Variants in RPL23 observed in about 807,000 individuals in gnomAD.
RPL23 encodes large ribosomal subunit protein uL14.
For synonymous variants in RPL23, 63 were observed against 65.3 expected (o/e 0.97, Z 0.17); for missense variants, 79 against 178.8 (o/e 0.44, Z 3.18).
rs185576254 is a variant in RPL23, at chr17:38,853,717, C to G, written c.-7G>C. The G allele has an allele frequency of 6.2e-7, 1 of 1,614,036 alleles. No homozygotes were observed. Among genetic ancestry groups the G allele is most frequent in the South Asian group, 1.1e-5 (1 of 91,076 alleles). ...CCTCACCTCGCTTCGACATCTTGAA[C>G]GCCGGAAAAAAGAAAAAAGGAAGTC... is the stretch of plus-strand genomic sequence containing the variant. On this transcript the variant is annotated 5_prime_UTR_variant, in exon 1 of 5. Transcript: ENST00000479035.
At position 38,848,177 on chromosome 17, in the gene RPL23, G is replaced by C; in HGVS notation, c.*1955C>G. 3 of 1,161,066 alleles carry C rather than the reference G, an allele frequency of 2.6e-6. No individual in the cohort carries two copies. The South Asian group carries it at 7.2e-5, about 28-fold the overall frequency. 71.9% of individuals were successfully genotyped at this position (1,161,066 alleles called of 1,614,324 possible). On this transcript the variant is annotated 3_prime_UTR_variant, in exon 5 of 5. Transcript: ENST00000479035. ...GGGCCTAGGGGCTTGTCACACTAAA[G>C]CTGACTTGAAATTGACCATACTCAG...
rs1275826469 is a variant in RPL23, at chr17:38,849,967, A to T, written c.*165T>A. On this transcript the variant is annotated 3_prime_UTR_variant, in exon 5 of 5. Coordinates refer to ENST00000479035, the MANE Select transcript of RPL23 (RefSeq NM_000978.4). The stretch of plus-strand genomic sequence containing the variant: ...ACCCTGTCTCCACCAAAAATACAAA[A>T]ACTAGCCAGGCATGACGGCAGGTGC... 2 of 544,760 alleles carry T rather than the reference A, an allele frequency of 3.7e-6. No individual in the cohort carries two copies. The allele number at this position is 544,760 out of a possible 1,614,324, so 33.7% of individuals were successfully genotyped here. A position where few individuals can be genotyped will look rare whatever the true frequency, so the allele number is the denominator to read the frequency against.
intron 3 of RPL23, chr17:38,851,491 A>C (rs1913001112): frequency 6.6e-6 from 1 of 152,052 alleles, no homozygotes; most frequent in Non-Finnish European, 1.5e-5. Flanking sequence ...GAAACTCACA[A>C]CTAGTTTTAA....
rs1176732694 is a variant in RPL23 at position 38,852,595 on chromosome 17, T to A, written c.226+9A>T. On this transcript the variant is annotated intron_variant, in intron 3 of 4. Transcript: ENST00000479035. ...CATCAGTATTAAGGTGGGCTCAGTG[T>A]TTACTCACCCTTTTTTCTGAGCTCT... 6 of 1,612,174 alleles carry A rather than the reference T, an allele frequency of 3.7e-6. No individual in the cohort carries two copies. In the South Asian group the frequency reaches 6.6e-5, roughly 18 times the overall value.
rs1444728692 is a variant in RPL23 at position 38,848,013 on chromosome 17, G to A, written c.*2119C>T. ...GTCCAGCAGTTCAAAGTTACAGTGAGCTTCAGTGGTGTTACTGCACTCCAG... is the reference window on the plus strand; with the variant it reads ...GTCCAGCAGTTCAAAGTTACAGTGAACTTCAGTGGTGTTACTGCACTCCAG... On this transcript the variant is annotated 3_prime_UTR_variant, in exon 5 of 5. Coordinates refer to ENST00000479035, the MANE Select transcript of RPL23 (RefSeq NM_000978.4). The A allele has an allele frequency of 6.5e-7, 1 of 1,550,220 alleles. No individual in the cohort carries two copies. The highest frequency in any genetic ancestry group is 8.7e-7 in the Non-Finnish European group (1 of 1,146,860).
intron 3 of RPL23, 179 bp downstream of exon 3, chr17:38,852,425 A>C: frequency 2.9e-6 from 2 of 689,738 alleles, no homozygotes; most frequent in Non-Finnish European, 4.9e-6. Flanking sequence ...TAAGGTATGG[A>C]AGTGACAAGA....
chr17:38,848,974 C>T lies in RPL23; in HGVS notation c.*1158G>A, dbSNP rs780333229. On this transcript the variant is annotated 3_prime_UTR_variant, in exon 5 of 5. Transcript: ENST00000479035. ...GGTGTCACCTAAATAAACTCTTACA[C>T]GTTTAGAAAGAAATGCTAACAACCT... 6.6e-5 allele frequency: 10 copies of T among 152,164 alleles called. No homozygotes were observed. Among genetic ancestry groups the T allele is most frequent in the Non-Finnish European group, 1.5e-4 (10 of 68,030 alleles). The allele number at this position is 152,164 out of a possible 1,614,324, so 9.4% of individuals were successfully genotyped here. A position where few individuals can be genotyped will look rare whatever the true frequency, so the allele number is the denominator to read the frequency against.
At chr17:38,852,870 ACAC>A (rs751988514) in intron 2 of RPL23, 138 bp from the exon 3 acceptor site, 2 of 1,399,960 alleles carry the variant, frequency 1.4e-6, no homozygotes, top group Non-Finnish European at 2.0e-6. Context: ...ACGCCTTGTC[ACAC>A]CACCGATTGA....
chr17:38,850,957 C>G (rs1434965884), intron 3 of RPL23: 2 of 153,018 alleles, frequency 1.3e-5, no homozygotes, highest in East Asian at 3.8e-4. Flanking sequence ...TGGCAATGAG[C>G]AGAGACCAAG....
rs1912936571 is a variant in RPL23 at position 38,849,310 on chromosome 17, G to C, written c.*822C>G. 2 of 143,310 alleles carry C rather than the reference G, an allele frequency of 1.4e-5. No individual in the cohort carries two copies. The highest frequency in any genetic ancestry group is 1.5e-4 in the Admixed American group (2 of 13,484). 8.9% of individuals were successfully genotyped at this position (143,310 alleles called of 1,614,324 possible). A position where few individuals can be genotyped will look rare whatever the true frequency, so the allele number is the denominator to read the frequency against. On this transcript the variant is annotated 3_prime_UTR_variant, in exon 5 of 5. Coordinates refer to ENST00000479035, the MANE Select transcript of RPL23 (RefSeq NM_000978.4). ...TCCTCAAAATCCATGTGTGTGTCCA[G>C]GATCTAACTATATAGTCTATCTTAA...
At chr17:38,852,855 C>T (rs1913043063) in intron 2 of RPL23, 123 bp from the exon 3 acceptor site, 1 of 1,462,744 alleles carries the variant, frequency 6.8e-7, no homozygotes, top group African/African-American at 1.4e-5. Flanking sequence ...AGTTAGTCCG[C>T]AAGAACGCCT....
At chr17:38,852,373 AAAC>A (rs1913027148) in intron 3 of RPL23, 1 of 510,692 alleles carries the variant, frequency 2.0e-6, no homozygotes, top group Admixed American at 3.7e-5. Flanking sequence ...CCATCTCAAA[AAAC>A]AAAACAAAAC....
chr17:38,852,441 G>A, intron 3 of RPL23, 163 bp downstream of exon 3: 1 of 761,878 alleles, frequency 1.3e-6, no homozygotes, highest in Non-Finnish European at 2.1e-6. Flanking sequence ...CAAGATGATG[G>A]TCCCCCCTCC....
rs969840026 is a variant in RPL23, at chr17:38,850,193, A to G, written c.362T>C (p.Val121Ala). 6.2e-7 allele frequency: 1 copy of G among 1,605,678 alleles called. No homozygotes were observed. Among genetic ancestry groups the G allele is most frequent in the Non-Finnish European group, 8.5e-7 (1 of 1,177,502 alleles). The part of the protein sequence containing the change: ...EMKGSAITGP[V>A]AKECADLWPR... ...CCACAAGTCTGCACACTCCTTTGCT[A>G]CTGGTCCTGTAATGGCAGAACCTGC... The change falls in exon 5 of 5, where the codon GTA becomes GCA. Residue 121 changes from valine (V) to alanine (A), a missense_variant. Val to Ala is a moderately conservative substitution (Grantham distance 64). Coordinates refer to ENST00000479035, the MANE Select transcript of RPL23 (RefSeq NM_000978.4).
Position 38,850,104 on chromosome 17 carries a change from T to C in RPL23, c.*28A>G. 2 of 1,527,690 alleles carry C rather than the reference T, an allele frequency of 1.3e-6. No individual in the cohort carries two copies. Among genetic ancestry groups the C allele is most frequent in the Non-Finnish European group, 1.8e-6 (2 of 1,128,632 alleles). 94.6% of individuals were successfully genotyped at this position (1,527,690 alleles called of 1,614,324 possible). ...ACTTTTTAATGGGTTTAGTTTTTTT[T>C]TTTATTTTTTACAAATATACTGGAG... is the stretch of plus-strand genomic sequence containing the variant. On this transcript the variant is annotated 3_prime_UTR_variant, in exon 5 of 5. Transcript: ENST00000479035.
rs753660930 is a variant in RPL23 at position 38,850,130 on chromosome 17, A to T, written c.*2T>A. 2 of 1,584,098 alleles carry T rather than the reference A, an allele frequency of 1.3e-6. No homozygotes were observed. Among genetic ancestry groups the T allele is most frequent in the Admixed American group, 3.6e-5 (2 of 54,870 alleles). On this transcript the variant is annotated 3_prime_UTR_variant, in exon 5 of 5. Transcript: ENST00000479035. ...TTTATTTTTTACAAATATACTGGAG[A>T]ATCATGCAATGCTGCCAGCATTGGA...
chr17:38,847,914 A>C lies in RPL23; in HGVS notation c.*2218T>G. ...AAGTCAAAAAAAATCTCCAAAGAAT[A>C]AAATGTGAGGTGGGATGCAGTGGCT... On this transcript the variant is annotated 3_prime_UTR_variant, in exon 5 of 5. Transcript: ENST00000479035. The C allele has an allele frequency of 6.6e-7, 1 of 1,511,246 alleles. No homozygotes were observed. Among genetic ancestry groups the C allele is most frequent in the African/African-American group, 1.4e-5 (1 of 70,886 alleles). The allele number at this position is 1,511,246 out of a possible 1,614,324, so 93.6% of individuals were successfully genotyped here. A position where few individuals can be genotyped will look rare whatever the true frequency, so the allele number is the denominator to read the frequency against.
At chr17:38,851,171 TCAGA>T (rs1367769539) in intron 3 of RPL23, 2 of 152,188 alleles carry the variant, frequency 1.3e-5, no homozygotes, top group African/African-American at 2.4e-5. Context: ...TATTGTAGAG[TCAGA>T]CACACCTGGA....
chr17:38,852,854 G>T (rs1392862646), intron 2 of RPL23, 122 bp from the exon 3 acceptor site: 2 of 1,460,692 alleles, frequency 1.4e-6, no homozygotes, highest in Middle Eastern at 1.7e-4. Flanking sequence ...CAGTTAGTCC[G>T]CAAGAACGCC....
Sources: gnomAD v4.1 joint callset for allele counts on GRCh38, gnomAD v4.1.1 for gene constraint, MANE v1.5 for transcripts, NCBI Gene and HGNC (gene_info 2026-07-23, HGNC 2026-07-21) for gene names.